Variants in DOK5 observed in about 807,000 individuals in gnomAD.
DOK5 encodes docking protein 5.
A neutral mutation model predicts 43.3 loss-of-function variants in DOK5; 27 were observed. That is an observed-to-expected ratio of 0.62 (90% CI 0.46 to 0.86). DOK5 has a LOEUF of 0.86. Among genes scored for constraint, DOK5 ranks in the 40% least tolerant of loss-of-function variants. The probability of loss-of-function intolerance (pLI) is 0.00; values close to 1 mark genes in which losing one functional copy is unlikely to be tolerated. For synonymous variants in DOK5, 146 were observed against 140.1 expected, an observed-to-expected ratio of 1.04 and a Z score of -0.30; for missense variants, 373 against 392.9, an observed-to-expected ratio of 0.95 and a Z score of 0.43.
chr20:54,491,388 A>G (rs1438529861), intron 1 of DOK5, among the ~76,000 whole-genome samples: 1 of 152,240 alleles, frequency 6.6e-6, no homozygotes, highest in East Asian at 1.9e-4. Context: ...TCATATTCAT[A>G]TATGTCAAGA....
intron 2 of DOK5, among the ~76,000 whole-genome samples, chr20:54,587,836 G>A (rs1467009334): frequency 1.3e-5 from 2 of 152,174 alleles, no homozygotes; most frequent in African/African-American, 4.8e-5. Context: ...CAGAGGCCCT[G>A]TAACCACTGA....
chr20:54,592,698 G>A (rs957743088), intron 5 of DOK5, among the ~76,000 whole-genome samples: 1 of 151,816 alleles, frequency 6.6e-6, no homozygotes, highest in African/African-American at 2.4e-5. Flanking sequence ...CCGCCACCAC[G>A]CCTCGCTAAT....
chr20:54,607,450 G>A (rs1600731918), intron 5 of DOK5, among the ~76,000 whole-genome samples: 2 of 147,670 alleles, frequency 1.4e-5, no homozygotes, highest in East Asian at 3.9e-4. Context: ...CAGATCTTCA[G>A]GCAGAGGAGA....
chr20:54,475,770 T>G lies in DOK5; in HGVS notation c.-177T>G. On this transcript the variant is annotated 5_prime_UTR_variant, in exon 1 of 8. Transcript: ENST00000262593. This position sits in a 1 kb window ranked among gnomAD's most constrained non-coding sequence, Gnocchi z 4.2. Reference sequence around the variant, plus strand: ...GCAAGCCGGCCGCCCACTGTCAGGGTTGGGGGGACAGAGAAAGTGATGTGC... The same window carrying G: ...GCAAGCCGGCCGCCCACTGTCAGGGGTGGGGGGACAGAGAAAGTGATGTGC... 3 of 757,564 alleles carry G rather than the reference T, an allele frequency of 4.0e-6. No homozygotes were observed. The highest frequency in any genetic ancestry group is 6.4e-6 in the Non-Finnish European group (3 of 470,836). The allele number at this position is 757,564 out of a possible 1,614,324, so 46.9% of individuals were successfully genotyped here.
At chr20:54,613,968 T>C (rs1330031439) in intron 6 of DOK5, among the ~76,000 whole-genome samples, 1 of 151,556 alleles carries the variant, frequency 6.6e-6, no homozygotes, top group Non-Finnish European at 1.5e-5. Flanking sequence ...CACTCCAGTC[T>C]GGGTGACAAA....
At chr20:54,487,747 A>G (rs1600654932) in intron 1 of DOK5, among the ~76,000 whole-genome samples, 1 of 152,222 alleles carries the variant, frequency 6.6e-6, no homozygotes, top group East Asian at 1.9e-4. Flanking sequence ...CTTTCCTCTG[A>G]TATCACCATG....
chr20:54,530,343 C>T (rs534253283), intron 1 of DOK5, among the ~76,000 whole-genome samples: 1 of 152,184 alleles, frequency 6.6e-6, no homozygotes, highest in Admixed American at 6.5e-5. Flanking sequence ...CAGAAGCAAC[C>T]TGCAAAGCTG....
intron 1 of DOK5, among the ~76,000 whole-genome samples, chr20:54,517,915 C>G (rs914435740): frequency 6.6e-6 from 1 of 152,148 alleles, no homozygotes. Flanking sequence ...TGATCTTGGA[C>G]TTCTCAGCCT....
chr20:54,505,477 T>C (rs1982770222), intron 1 of DOK5, among the ~76,000 whole-genome samples: 1 of 152,104 alleles, frequency 6.6e-6, no homozygotes, highest in Admixed American at 6.5e-5. Context: ...GGCTGCTATA[T>C]TGAGGTATTG....
In DOK5 at chr20:54,650,983, G is replaced by A. The variant is rs1329064069; in HGVS notation, c.*504G>A. 6.5e-6 allele frequency: 1 copy of A among 153,598 alleles called. No homozygotes were observed. The highest frequency in any genetic ancestry group is 1.4e-5 in the Non-Finnish European group (1 of 69,068). The allele number at this position is 153,598 out of a possible 1,614,324, so 9.5% of individuals were successfully genotyped here. A position where few individuals can be genotyped will look rare whatever the true frequency, so the allele number is the denominator to read the frequency against. Reference sequence around the variant, plus strand: ...ATTATATCACCAATTAGTTAAATCAGTGCTTCGACTCACTCTTATCTGTTC... The same window carrying A: ...ATTATATCACCAATTAGTTAAATCAATGCTTCGACTCACTCTTATCTGTTC... On this transcript the variant is annotated 3_prime_UTR_variant, in exon 8 of 8. Transcript: ENST00000262593.
At chr20:54,633,276 A>G (rs985562638) in intron 6 of DOK5, among the ~76,000 whole-genome samples, 2 of 152,170 alleles carry the variant, frequency 1.3e-5, no homozygotes, top group Non-Finnish European at 2.9e-5. Flanking sequence ...TCACAAGAGA[A>G]TAAGTAGGCA....
At chr20:54,617,242 C>T (rs1288952913) in intron 6 of DOK5, among the ~76,000 whole-genome samples, 5 of 152,212 alleles carry the variant, frequency 3.3e-5, no homozygotes, top group African/African-American at 1.2e-4. Flanking sequence ...CATACTTCAT[C>T]AAAGCCAGCA....
chr20:54,547,824 T>G (rs1984397958), intron 1 of DOK5, among the ~76,000 whole-genome samples: 1 of 152,232 alleles, frequency 6.6e-6, no homozygotes. Context: ...CTGCTTAAGC[T>G]TTGACAGTGG....
At chr20:54,508,301 C>T (rs778129264) in intron 1 of DOK5, among the ~76,000 whole-genome samples, 5 of 151,746 alleles carry the variant, frequency 3.3e-5, no homozygotes, top group Non-Finnish European at 5.9e-5. Context: ...TCTTATTTAT[C>T]CCACCTCCCC....
chr20:54,548,075 C>G (rs1003183688), intron 1 of DOK5, among the ~76,000 whole-genome samples: 1 of 152,056 alleles, frequency 6.6e-6, no homozygotes, highest in African/African-American at 2.4e-5. Context: ...CTACCATGCA[C>G]AGGATAACCC....
chr20:54,554,365 T>G (rs1376207545), intron 1 of DOK5, among the ~76,000 whole-genome samples: 1 of 152,224 alleles, frequency 6.6e-6, no homozygotes, highest in Non-Finnish European at 1.5e-5. Context: ...ACCTTTCAAT[T>G]TGGTCTGCAC....
rs1985207534 is a variant in DOK5 at position 54,569,281 on chromosome 20, A to G, written c.174+14241A>G. The stretch of plus-strand genomic sequence containing the variant: ...CTTTCATATTCAAAATATTGTGGTT[A>G]ATGAGATAAATTATATGATCACACG... On this transcript the variant is annotated intron_variant, in intron 2 of 7. Coordinates refer to ENST00000262593, the MANE Select transcript of DOK5 (RefSeq NM_018431.5). 3.9e-5 allele frequency among the ~76,000 whole-genome samples: 6 copies of G among 152,276 alleles called. No homozygotes were observed. The South Asian group carries it at 1.2e-3, about 32-fold the overall frequency.
chr20:54,532,841 T>G (rs1358409420), intron 1 of DOK5, among the ~76,000 whole-genome samples: 3 of 152,200 alleles, frequency 2.0e-5, no homozygotes, highest in African/African-American at 4.8e-5. Context: ...GGCCCAGAGC[T>G]AATTGTGCTA....
chr20:54,526,140 C>CT lies in DOK5; in HGVS notation c.67-28778dup, dbSNP rs11086457. On this transcript the variant is annotated intron_variant, in intron 1 of 7. Coordinates refer to ENST00000262593, the MANE Select transcript of DOK5 (RefSeq NM_018431.5). ...TGCGTGAAAGTAAACCAAGATTTTT[C>CT]TTTTTTTTTTTTTTTAACTATTTCC... 9.8e-3 allele frequency among the ~76,000 whole-genome samples: 1,367 copies of CT among 140,066 alleles called. 10 individuals are homozygous for CT. Among genetic ancestry groups the CT allele is most frequent in the African/African-American group, 0.018 (702 of 39,468 alleles). The allele number at this position is 140,066 out of a possible 152,430, so 91.9% of individuals were successfully genotyped here.
Sources: gnomAD v4.1 joint callset for allele counts (sites outside exome capture counted in the v4.1 genomes callset) on GRCh38, gnomAD v4.1.1 for gene constraint, Gnocchi (gnomAD v3.1) non-coding constraint, MANE v1.5 for transcripts, NCBI Gene and HGNC (gene_info 2026-07-23, HGNC 2026-07-21) for gene names.